Variants in ARHGEF7 observed in about 807,000 individuals in gnomAD.
The protein encoded by ARHGEF7 is PAK-interacting exchange factor beta.
ARHGEF7 carries 33 observed loss-of-function variants against 109.8 expected under a neutral mutation model. That is an observed-to-expected ratio of 0.30 (90% CI 0.23 to 0.40). The LOEUF (loss-of-function observed/expected upper bound fraction) is 0.40, where lower values mean the gene tolerates loss of function less well. Among genes scored for constraint, ARHGEF7 ranks in the 10% least tolerant of loss-of-function variants. The probability of loss-of-function intolerance (pLI) is 1.00; values close to 1 mark genes in which losing one functional copy is unlikely to be tolerated. For synonymous variants in ARHGEF7, 458 were observed against 424.6 expected, an observed-to-expected ratio of 1.08 and a Z score of -0.97; for missense variants, 938 against 1,098.5, an observed-to-expected ratio of 0.85 and a Z score of 2.07.
chr13:111,277,497 G>T, intron 12 of ARHGEF7, 90 bp from the exon 13 acceptor site: 1 of 755,864 alleles, frequency 1.3e-6, no homozygotes, highest in South Asian at 1.6e-5. Context: ...TGTTTCATAG[G>T]GCCTAGTATA....
rs775222654 is a variant in ARHGEF7 at position 111,196,283 on chromosome 13, C to T, written c.253-9006C>T. 7.2e-5 allele frequency among the ~76,000 whole-genome samples: 11 copies of T among 152,200 alleles called. No individual in the cohort carries two copies. In the South Asian group the frequency reaches 8.3e-4, roughly 11 times the overall value. ...AGTTGAGTCCCAGTGGGGATCCATA[C>T]TGGGGACGACTTGCTGACCGGTAGG... is the stretch of plus-strand genomic sequence containing the variant. On this transcript the variant is annotated intron_variant, in intron 2 of 21. Coordinates refer to ENST00000646102, the MANE Select transcript of ARHGEF7 (RefSeq NM_001354046.2).
intron 4 of ARHGEF7, among the ~76,000 whole-genome samples, chr13:111,210,760 A>G (rs1030937716): frequency 1.3e-5 from 2 of 152,170 alleles, no homozygotes; most frequent in African/African-American, 4.8e-5. Context: ...TGGGGATACC[A>G]CTGCTTTCTC....
At chr13:111,299,564 G>A (rs909209745) in intron 19 of ARHGEF7, among the ~76,000 whole-genome samples, 3 of 151,900 alleles carry the variant, frequency 2.0e-5, no homozygotes, top group Non-Finnish European at 2.9e-5. Context: ...GGTTGGTCTC[G>A]ATCTCCTGAC....
At chr13:111,274,666 G>C in intron 10 of ARHGEF7, 65 bp from the exon 11 acceptor site, 1 of 1,022,978 alleles carries the variant, frequency 9.8e-7, no homozygotes, top group East Asian at 2.8e-5. Context: ...CTGGTCTGTA[G>C]AAAGTACCTT....
chr13:111,150,430 CA>C (rs1244861934), intron 1 of ARHGEF7, among the ~76,000 whole-genome samples: 1 of 152,222 alleles, frequency 6.6e-6, no homozygotes, highest in African/African-American at 2.4e-5. Context: ...CCTTCTCTGA[CA>C]AAATTTCCTC....
Position 111,205,296 on chromosome 13 carries a change from A to G in ARHGEF7, c.260A>G (p.Asp87Gly). 6.2e-7 allele frequency: 1 copy of G among 1,601,060 alleles called. No homozygotes were observed. The highest frequency in any genetic ancestry group is 8.5e-7 in the Non-Finnish European group (1 of 1,177,054). The change falls in exon 3 of 22, where the codon GAT becomes GGT. Residue 87 changes from aspartate (D) to glycine (G), a missense_variant. This residue lies in a region of ARHGEF7 where 165 missense variants were observed against 125.8 expected (regional missense o/e 1.31). Coordinates refer to ENST00000646102, the MANE Select transcript of ARHGEF7 (RefSeq NM_001354046.2). ...CGASLRLETF[D>G]ANDLYQGQNF... is the part of the protein sequence containing the mutation. Reference sequence around the variant, plus strand: ...TTTAATTTTTCCTTTCAGACGTTTGATGCAAATGATTTGTATCAGGGGCAG... The same window carrying G: ...TTTAATTTTTCCTTTCAGACGTTTGGTGCAAATGATTTGTATCAGGGGCAG...
Position 111,213,929 on chromosome 13 carries a change from G to C in ARHGEF7, c.469-3750G>C, listed in dbSNP as rs140721925. ...GTCCCATGCATCTTGCGCTCTGATG[G>C]AGCACTTCTTGGCATGTTCTAAGTA... On this transcript the variant is annotated intron_variant, in intron 4 of 21. Transcript: ENST00000646102. 4.2e-4 allele frequency among the ~76,000 whole-genome samples: 64 copies of C among 152,180 alleles called. No homozygotes were observed. The East Asian group carries it at 5.0e-3, about 12-fold the overall frequency.
chr13:111,265,461 C>G (rs1318318239), intron 8 of ARHGEF7: 2 of 408,272 alleles, frequency 4.9e-6, no homozygotes, highest in Non-Finnish European at 9.9e-6. Context: ...CTTGCTGATT[C>G]TCCTGACTAT....
At chr13:111,229,310 A>G (rs148614090) in intron 5 of ARHGEF7, among the ~76,000 whole-genome samples, 2 of 151,888 alleles carry the variant, frequency 1.3e-5, no homozygotes, top group Non-Finnish European at 2.9e-5. Context: ...ATTTTAATCT[A>G]CTTTGCGTAT....
Position 111,191,898 on chromosome 13 carries a change from C to T in ARHGEF7, c.253-13391C>T, listed in dbSNP as rs369685057. 2.0e-5 allele frequency among the ~76,000 whole-genome samples: 3 copies of T among 152,100 alleles called. No individual in the cohort carries two copies. In the East Asian group the frequency reaches 5.8e-4, roughly 29 times the overall value. On this transcript the variant is annotated intron_variant, in intron 2 of 21. Transcript: ENST00000646102. Reference sequence around the variant, plus strand: ...ATTAGGATTTTCGTCCTAGCAGGAGCTGTAGTATATAGCCCTATCACAAAG... The same window carrying T: ...ATTAGGATTTTCGTCCTAGCAGGAGTTGTAGTATATAGCCCTATCACAAAG...
intron 16 of ARHGEF7, among the ~76,000 whole-genome samples, chr13:111,285,179 G>A (rs1258212314): frequency 5.3e-5 from 8 of 152,126 alleles, no homozygotes; most frequent in East Asian, 1.9e-4. Context: ...ATCACCTTCC[G>A]CCTTTTGGAG....
intron 5 of ARHGEF7, among the ~76,000 whole-genome samples, chr13:111,221,436 T>G (rs907446228): frequency 9.1e-5 from 2 of 22,070 alleles, no homozygotes; most frequent in African/African-American, 1.2e-4. Context: ...TATATATAGA[T>G]ATATATATCT....
At chr13:111,151,168 T>C (rs886877172) in intron 1 of ARHGEF7, among the ~76,000 whole-genome samples, 9 of 152,214 alleles carry the variant, frequency 5.9e-5, no homozygotes, top group Admixed American at 5.9e-4. Context: ...TTACATAGGT[T>C]CATTTGCCAA....
chr13:111,214,837 T>C (rs1450035003), intron 4 of ARHGEF7, among the ~76,000 whole-genome samples: 3 of 149,970 alleles, frequency 2.0e-5, no homozygotes, highest in Non-Finnish European at 4.4e-5. Context: ...TTATAATTAA[T>C]ACTTAATCTG....
intron 2 of ARHGEF7, among the ~76,000 whole-genome samples, chr13:111,165,388 A>C (rs1232074452): frequency 6.6e-6 from 1 of 152,210 alleles, no homozygotes; most frequent in African/African-American, 2.4e-5. Flanking sequence ...GGTCTCACCC[A>C]AGAGTTGCAT....
At chr13:111,163,783 C>T (rs1286549509) in intron 2 of ARHGEF7, among the ~76,000 whole-genome samples, 1 of 152,162 alleles carries the variant, frequency 6.6e-6, no homozygotes, top group Non-Finnish European at 1.5e-5. Context: ...AGTCTTCCCA[C>T]CTCAGCCTCC....
intron 19 of ARHGEF7, chr13:111,293,754 G>T: frequency 1.0e-6 from 1 of 985,378 alleles, no homozygotes; most frequent in Middle Eastern, 5.2e-4. Flanking sequence ...ATTCCAGGTG[G>T]CCGTGATTTC....
intron 2 of ARHGEF7, among the ~76,000 whole-genome samples, chr13:111,163,019 T>A (rs541495352): frequency 6.6e-6 from 1 of 152,344 alleles, no homozygotes; most frequent in Non-Finnish European, 1.5e-5. Flanking sequence ...ACCAAAGATA[T>A]GTTTGAGGCA....
chr13:111,163,696 G>C (rs1040351367), intron 2 of ARHGEF7, among the ~76,000 whole-genome samples: 1 of 151,970 alleles, frequency 6.6e-6, no homozygotes, highest in Non-Finnish European at 1.5e-5. Context: ...ACTATGCCTG[G>C]CTAATTTTTG....
Sources: gnomAD v4.1 joint callset for allele counts (sites outside exome capture counted in the v4.1 genomes callset) on GRCh38, gnomAD v4.1.1 for gene constraint, gnomAD v4.1.1 regional missense constraint, MANE v1.5 for transcripts, NCBI Gene and HGNC (gene_info 2026-07-23, HGNC 2026-07-21) for gene names.